Variants in MMP26 observed in about 807,000 individuals in gnomAD.
The protein encoded by MMP26 is matrix metallopeptidase 26.
In MMP26, 33 loss-of-function variants were observed where a neutral mutation model predicts 31.0. That is an observed-to-expected ratio of 1.06 (90% CI 0.81 to 1.42). The LOEUF is 1.42. Among genes scored for constraint, MMP26 ranks in the 40% most tolerant of loss-of-function variants. The probability of loss-of-function intolerance (pLI) is 0.00; values close to 1 mark genes in which losing one functional copy is unlikely to be tolerated. For missense variants in MMP26, 347 were observed against 316.1 expected, an observed-to-expected ratio of 1.10 and a Z score of -0.74; for synonymous variants, 122 against 114.9, an observed-to-expected ratio of 1.06 and a Z score of -0.40.
chr11:4,816,777 C>T (rs947751156), intron 2 of MMP26, among the ~76,000 whole-genome samples: 10 of 140,282 alleles, frequency 7.1e-5, no homozygotes, highest in African/African-American at 2.7e-4. Context: ...GATCTCGGCT[C>T]ACTGCAAGCT....
intron 2 of MMP26, among the ~76,000 whole-genome samples, chr11:4,772,013 G>A (rs1382641917): frequency 6.6e-6 from 1 of 152,150 alleles, no homozygotes; most frequent in African/African-American, 2.4e-5. Flanking sequence ...TTTGCTAGAT[G>A]AGGAAGGATA....
intron 3 of MMP26, among the ~76,000 whole-genome samples, chr11:4,989,296 C>T (rs1334767292): frequency 6.6e-6 from 1 of 152,136 alleles, no homozygotes; most frequent in East Asian, 1.9e-4. Flanking sequence ...ATTAAGAAAA[C>T]CTCCATCAGT....
At chr11:4,706,272 T>G (rs967188475) in intron 1 of MMP26, among the ~76,000 whole-genome samples, 7 of 152,166 alleles carry the variant, frequency 4.6e-5, no homozygotes, top group African/African-American at 1.7e-4. Flanking sequence ...ATAGCTATTC[T>G]ATTTATTTTT....
chr11:4,926,427 A>C (rs527759879), intron 2 of MMP26, among the ~76,000 whole-genome samples: 1 of 152,308 alleles, frequency 6.6e-6, no homozygotes. Flanking sequence ...AACATATTTT[A>C]ATAAGAAATA....
At chr11:4,711,199 G>T (rs868782262) in intron 1 of MMP26, 1 of 151,630 alleles carries the variant, frequency 6.6e-6, no homozygotes, top group Non-Finnish European at 1.5e-5. Context: ...ATTACTTTAG[G>T]GTACTGACCT....
At chr11:4,900,277 G>A (rs762005362) in intron 2 of MMP26, among the ~76,000 whole-genome samples, 3 of 152,124 alleles carry the variant, frequency 2.0e-5, no homozygotes, top group Non-Finnish European at 4.4e-5. Context: ...ACTAGGTTTG[G>A]CTATGACTCT....
chr11:4,730,404 A>AAGAGACAGAGAGAGAG (rs141091963), intron 1 of MMP26, among the ~76,000 whole-genome samples: 11 of 144,952 alleles, frequency 7.6e-5, no homozygotes, highest in African/African-American at 2.9e-4. Flanking sequence ...GTTTCTGGGA[A>AAGAGACAGAGAGAGAG]AGAGAGAGAG....
Position 4,708,266 on chromosome 11 carries a change from C to T in MMP26, c.-217+3221C>T, listed in dbSNP as rs1028509641. ...TTGCCTCTCAATTCAAAATTTCCAG[C>T]CACTATCTTTCTTTGCGTGTGTGTG... On this transcript the variant is annotated intron_variant, in intron 1 of 7. Coordinates refer to ENST00000380390, the MANE Select transcript of MMP26 (RefSeq NM_021801.5). 2.6e-5 allele frequency among the ~76,000 whole-genome samples: 4 copies of T among 152,292 alleles called. No homozygotes were observed. The East Asian group carries it at 7.7e-4, about 29-fold the overall frequency.
chr11:4,942,896 A>T (rs1185950998), intron 2 of MMP26: 1 of 152,268 alleles, frequency 6.6e-6, no homozygotes. Context: ...ATTGTACACA[A>T]TTCAATATAT....
chr11:4,711,168 CA>C (rs1847857836), intron 1 of MMP26: 1 of 152,072 alleles, frequency 6.6e-6, no homozygotes, highest in Non-Finnish European at 1.5e-5. Context: ...TTGCAATGAA[CA>C]TGTGGAAACT....
chr11:4,936,060 T>C (rs1403691774), intron 2 of MMP26, among the ~76,000 whole-genome samples: 56 of 143,682 alleles, frequency 3.9e-4, no homozygotes, highest in African/African-American at 1.3e-3. Context: ...TGTCTCTGCC[T>C]GGCTTTGGTA....
intron 2 of MMP26, chr11:4,944,294 C>T (rs1846261195): frequency 5.7e-6 from 1 of 175,100 alleles, no homozygotes; most frequent in Admixed American, 6.3e-5. Flanking sequence ...AGGTTTGAAC[C>T]CCAGCTTTTG....
chr11:4,804,958 A>G (rs1235203614), intron 2 of MMP26, among the ~76,000 whole-genome samples: 2 of 142,044 alleles, frequency 1.4e-5, no homozygotes, highest in African/African-American at 5.6e-5. Flanking sequence ...TGTCAGAGCG[A>G]AACCGCCTCA....
At chr11:4,771,305 C>A (rs538051764) in intron 2 of MMP26, among the ~76,000 whole-genome samples, 1 of 152,182 alleles carries the variant, frequency 6.6e-6, no homozygotes, top group Admixed American at 6.5e-5. Flanking sequence ...AAAATGAGGA[C>A]CATCATTTGC....
intron 1 of MMP26, among the ~76,000 whole-genome samples, chr11:4,754,120 G>A (rs1178829343): frequency 6.9e-6 from 1 of 144,744 alleles, no homozygotes; most frequent in South Asian, 2.1e-4. Flanking sequence ...TTTTACAGAT[G>A]CATAAACTAA....
chr11:4,875,998 A>C (rs1376910754), intron 2 of MMP26: 3 of 152,076 alleles, frequency 2.0e-5, no homozygotes, highest in African/African-American at 7.2e-5. Flanking sequence ...ACATCATACG[A>C]GTGCCAAAGA....
At chr11:4,857,262 TA>T (rs150569161) in intron 2 of MMP26, among the ~76,000 whole-genome samples, 52,414 of 150,914 alleles carry the variant, frequency 0.35, 9,758 homozygotes, top group Middle Eastern at 0.49. Flanking sequence ...AAAAAACCCT[TA>T]AAAAAAAATC....
chr11:4,965,155 C>T (rs536339790), intron 2 of MMP26, among the ~76,000 whole-genome samples: 1 of 152,240 alleles, frequency 6.6e-6, no homozygotes, highest in African/African-American at 2.4e-5. Flanking sequence ...TATGACCAGC[C>T]ACTTTTAAGG....
At chr11:4,819,334 G>A (rs937082206) in intron 2 of MMP26, among the ~76,000 whole-genome samples, 1 of 152,042 alleles carries the variant, frequency 6.6e-6, no homozygotes, top group Non-Finnish European at 1.5e-5. Context: ...CTTGAGAATA[G>A]GCAAAGGAGA....
Sources: allele counts gnomAD v4.1 joint callset (sites outside exome capture counted in the v4.1 genomes callset), GRCh38; gene constraint gnomAD v4.1.1; transcripts MANE v1.5; gene names NCBI Gene and HGNC (gene_info 2026-07-23, HGNC 2026-07-21).